The following FDFT1 variants were observed in gnomAD, a reference collection of about 807,000 sequenced individuals.
FDFT1 encodes the protein farnesyl-diphosphate farnesyltransferase 1.
FDFT1 carries 68 observed loss-of-function variants against 46.8 expected under a neutral mutation model. The observed-to-expected ratio is 1.45, with a 90% CI of 1.19 to 1.78. The LOEUF is 1.78. Ranked by LOEUF, FDFT1 falls within the 40% of genes most tolerant of loss-of-function variation. FDFT1 has a pLI of 0.00. For missense variants in FDFT1, 928 were observed against 524.4 expected (o/e 1.77, Z -7.52); for synonymous variants, 351 against 185.1 (o/e 1.90, Z -7.28).
At chr8:11,832,766 C>T (rs761662020) in intron 7 of FDFT1, among the ~76,000 whole-genome samples, 1 of 151,944 alleles carries the variant, frequency 6.6e-6, no homozygotes, top group Non-Finnish European at 1.5e-5. Context: ...CAGGATGATG[C>T]TGTGATCCTC....
chr8:11,824,135 T>C (rs1563326417), intron 4 of FDFT1, among the ~76,000 whole-genome samples: 1 of 152,176 alleles, frequency 6.6e-6, no homozygotes, highest in African/African-American at 2.4e-5. Flanking sequence ...AATTCCGGGA[T>C]TACAGGCGTG....
exon 1 of FDFT1, chr8:11,795,812 C>T (rs934252824): frequency 6.6e-6 from 1 of 152,248 alleles, no homozygotes; most frequent in Non-Finnish European, 1.5e-5. Flanking sequence ...TCTGCAGCTT[C>T]ACTCCTGAGC....
Position 11,808,537 on chromosome 8 carries a change from G to A in FDFT1, c.100-257G>A, listed in dbSNP as rs959505117. On this transcript the variant is annotated intron_variant, in intron 1 of 7. Coordinates refer to ENST00000220584, the MANE Select transcript of FDFT1 (RefSeq NM_004462.5). The stretch of plus-strand genomic sequence containing the variant: ...ATTCCCATGGCCGCAGCCGCCTGCG[G>A]CACCAAGGCCATGGCCCTCTTCAAG... The A allele has an allele frequency of 7.5e-6, 10 of 1,339,434 alleles. No homozygotes were observed. In the African/African-American group the frequency reaches 1.2e-4, roughly 17 times the overall value. 83.0% of individuals were successfully genotyped at this position (1,339,434 alleles called of 1,614,324 possible).
chr8:11,795,788 A>T (rs1285535478), exon 1 of FDFT1: 4 of 152,186 alleles, frequency 2.6e-5, no homozygotes, highest in African/African-American at 9.7e-5. Flanking sequence ...GAGCTGTAAT[A>T]CTCGCTGTGA....
chr8:11,827,064 C>A (rs576952224), intron 5 of FDFT1, among the ~76,000 whole-genome samples: 70 of 152,284 alleles, frequency 4.6e-4, no homozygotes, highest in Non-Finnish European at 8.2e-4. Flanking sequence ...GCTTTTGATA[C>A]TGATTTTGTT....
intron 1 of FDFT1, among the ~76,000 whole-genome samples, chr8:11,796,379 A>G (rs994004066): frequency 6.6e-6 from 1 of 152,206 alleles, no homozygotes; most frequent in Admixed American, 6.5e-5. Flanking sequence ...GGCGAAACAG[A>G]CAAGAGATTA....
At chr8:11,831,426 C>A in intron 6 of FDFT1, 92 bp from the exon 7 acceptor site, 1 of 1,085,512 alleles carries the variant, frequency 9.2e-7, no homozygotes, top group Non-Finnish European at 1.4e-6. Flanking sequence ...TTAGCAATTG[C>A]CCATTCAACA....
intron 3 of FDFT1, among the ~76,000 whole-genome samples, chr8:11,819,265 C>T (rs1808890343): frequency 6.6e-6 from 1 of 152,242 alleles, no homozygotes. Context: ...ACCTTTCTCT[C>T]TGGCAGCCCT....
At chr8:11,803,776 A>T (rs1806451460) in intron 1 of FDFT1, 1 of 180,894 alleles carries the variant, frequency 5.5e-6, no homozygotes, top group East Asian at 1.6e-4. Flanking sequence ...TCTTTCTTTC[A>T]GTGTCCATGT....
intron 1 of FDFT1, 45 bp downstream of exon 1, chr8:11,802,976 C>A (rs753830540): frequency 6.4e-7 from 1 of 1,557,174 alleles, no homozygotes; most frequent in Non-Finnish European, 8.7e-7. Flanking sequence ...AAGGAGCTCG[C>A]TGGGCCGGCC....
At chr8:11,796,472 A>G (rs112824085) in intron 1 of FDFT1, among the ~76,000 whole-genome samples, 23 of 152,238 alleles carry the variant, frequency 1.5e-4, no homozygotes, top group Non-Finnish European at 2.6e-4. Context: ...GATCAGCCCA[A>G]TGAACACAAA....
rs749937003 is a variant in FDFT1, at chr8:11,838,546, C to T, written c.1191C>T (p.Ser397=). 15 of 1,612,164 alleles carry T rather than the reference C, an allele frequency of 9.3e-6. No homozygotes were observed. In the South Asian group the frequency reaches 1.7e-4, roughly 18 times the overall value. ...TTGTCATGCTTTTGGCTGCCCTGAG[C>T]TGGCAGTACCTGACCACTCTCTCCC... The part of the protein sequence containing the change: ...LSFVMLLAAL[S]WQYLTTLSQV... The change falls in exon 8 of 8, where the codon AGC becomes AGT. Residue 397 remains serine, a synonymous_variant. Coordinates refer to ENST00000220584, the MANE Select transcript of FDFT1 (RefSeq NM_004462.5).
upstream of FDFT1, among the ~76,000 whole-genome samples, chr8:11,798,439 A>T (rs1309614188): frequency 1.3e-5 from 2 of 151,346 alleles, no homozygotes; most frequent in Non-Finnish European, 2.9e-5. Context: ...GGTTTGGGAA[A>T]GAAGATGTGG....
At chr8:11,797,558 C>G (rs546918638), upstream of FDFT1, among the ~76,000 whole-genome samples, 1 of 138,262 alleles carries the variant, frequency 7.2e-6, no homozygotes, top group African/African-American at 2.7e-5. Context: ...ACTAGGGAAG[C>G]TGAGATGGGA....
intron 3 of FDFT1, among the ~76,000 whole-genome samples, chr8:11,818,570 G>C (rs1394724924): frequency 6.6e-6 from 1 of 152,198 alleles, no homozygotes; most frequent in Non-Finnish European, 1.5e-5. Context: ...ATATGTTTAA[G>C]ATAGTTAGCT....
Position 11,821,774 on chromosome 8 carries a change from G to T in FDFT1, c.406G>T (p.Ala136Ser), listed in dbSNP as rs1376244840. 6.2e-7 allele frequency: 1 copy of T among 1,613,386 alleles called. No individual in the cohort carries two copies. The highest frequency in any genetic ancestry group is 8.5e-7 in the Non-Finnish European group (1 of 1,179,528). ...GATCTCCCTTGAGTTTAGAAATCTG[G>T]CTGAGAAATACCAAACAGTGATTGC... is the stretch of plus-strand genomic sequence containing the variant. ...PTISLEFRNL[A>S]EKYQTVIADI... The change falls in exon 4 of 8, where the codon GCT (alanine) becomes TCT (serine). Residue 136 changes from alanine to serine, a missense_variant. Ala to Ser is a moderately conservative substitution (Grantham distance 99). Transcript: ENST00000220584.
chr8:11,829,647 T>C (rs538781857), intron 5 of FDFT1, among the ~76,000 whole-genome samples: 10 of 152,294 alleles, frequency 6.6e-5, no homozygotes, highest in African/African-American at 2.4e-4. Flanking sequence ...TTAGCCTGAA[T>C]TCGTCCAAGT....
At chr8:11,814,818 G>A (rs1335278059) in intron 3 of FDFT1, among the ~76,000 whole-genome samples, 1 of 152,030 alleles carries the variant, frequency 6.6e-6, no homozygotes, top group East Asian at 1.9e-4. Context: ...AAAATGGTTG[G>A]CAGATCTGCT....
At chr8:11,822,768 A>AT (rs1472775906) in intron 4 of FDFT1, among the ~76,000 whole-genome samples, 3 of 152,222 alleles carry the variant, frequency 2.0e-5, no homozygotes, top group Non-Finnish European at 2.9e-5. Context: ...GTGAGCCATG[A>AT]TTGTGCCACT....
Sources: allele counts gnomAD v4.1 joint callset (sites outside exome capture counted in the v4.1 genomes callset), GRCh38; gene constraint gnomAD v4.1.1; transcripts MANE v1.5; gene names NCBI Gene and HGNC (gene_info 2026-07-23, HGNC 2026-07-21).